Variants in ANKRD66 observed in about 807,000 individuals in gnomAD.
ANKRD66 encodes the protein ankyrin repeat domain 66.
In ANKRD66, 10 loss-of-function variants were observed where a neutral mutation model predicts 10.9. The observed-to-expected ratio is 0.91, with a 90% CI of 0.56 to 1.55. The LOEUF is 1.55. ANKRD66 is among the 40% of genes most tolerant of loss of function. The pLI, the probability that ANKRD66 is intolerant of heterozygous loss-of-function variation, is 0.00. For synonymous variants in ANKRD66, 85 were observed against 88.4 expected (o/e 0.96, Z 0.22); for missense variants, 252 against 242.9 (o/e 1.04, Z -0.25).
intron 3 of ANKRD66, 126 bp downstream of exon 3, chr6:46,752,237 T>A: frequency 7.2e-6 from 8 of 1,114,412 alleles, no homozygotes; most frequent in Non-Finnish European, 9.5e-6. Flanking sequence ...CTTCATTTCA[T>A]TTTTTTTCTT....
chr6:46,758,743 A>G lies in ANKRD66; in HGVS notation c.413A>G (p.Asp138Gly). 2.6e-6 allele frequency: 4 copies of G among 1,549,500 alleles called. No individual in the cohort carries two copies. Among genetic ancestry groups the G allele is most frequent in the Non-Finnish European group, 3.5e-6 (4 of 1,146,436 alleles). Reference sequence around the variant, plus strand: ...CCTAGGGCAGAGCCCGAGTGCCAGGACCACCGTTGCGCTGCCCAGCAGAAG... The same window carrying G: ...CCTAGGGCAGAGCCCGAGTGCCAGGGCCACCGTTGCGCTGCCCAGCAGAAG... Reference protein sequence around the residue: ...FLEKAEPECQDHRCAAQQKGL... With the variant: ...FLEKAEPECQGHRCAAQQKGL... The change falls in exon 5 of 5, where the codon GAC (aspartate) becomes GGC (glycine). Residue 138 changes from aspartate (D) to glycine (G), a missense_variant. By Grantham distance (94) the Asp-to-Gly change is moderately conservative. Coordinates refer to ENST00000565422, the MANE Select transcript of ANKRD66 (RefSeq NM_001162435.3).
chr6:46,751,416 T>A (rs1233228732), intron 2 of ANKRD66, among the ~76,000 whole-genome samples: 1 of 152,248 alleles, frequency 6.6e-6, no homozygotes, highest in East Asian at 1.9e-4. Context: ...TGTGTGATTG[T>A]GTGTCCATCT....
intron 2 of ANKRD66, 108 bp from the exon 3 acceptor site, chr6:46,751,829 C>A (rs1766275153): frequency 2.6e-6 from 3 of 1,175,334 alleles, no homozygotes; most frequent in Admixed American, 8.0e-5. Flanking sequence ...AACTGAGAGG[C>A]AAATGCATGC....
chr6:46,748,186 C>G (rs1490310810), intron 1 of ANKRD66, among the ~76,000 whole-genome samples: 3 of 152,186 alleles, frequency 2.0e-5, no homozygotes, highest in African/African-American at 7.2e-5. Context: ...TTATTGGAAT[C>G]AGGAAGTGTG....
intron 4 of ANKRD66, among the ~76,000 whole-genome samples, chr6:46,754,896 C>T (rs1766350592): frequency 1.3e-5 from 2 of 152,172 alleles, no homozygotes; most frequent in South Asian, 4.1e-4. Flanking sequence ...CCAATTTCAT[C>T]CATCATCCCC....
intron 3 of ANKRD66, among the ~76,000 whole-genome samples, chr6:46,752,894 C>T (rs1332423276): frequency 6.6e-6 from 1 of 152,156 alleles, no homozygotes; most frequent in Admixed American, 6.5e-5. Context: ...AAGCCTTTGG[C>T]AATAGAAAGC....
Position 46,758,758 on chromosome 6 carries a change from C to T in ANKRD66, c.428C>T (p.Ala143Val), listed in dbSNP as rs2150729212. The T allele has an allele frequency of 6.4e-7, 1 of 1,550,692 alleles. No individual in the cohort carries two copies. Among genetic ancestry groups the T allele is most frequent in the East Asian group, 2.4e-5 (1 of 40,906 alleles). ...EPECQDHRCA[A>V]QQKGLPLDER... ...GAGTGCCAGGACCACCGTTGCGCTG[C>T]CCAGCAGAAGGGGCTGCCTCTGGAT... Residue 143 changes from alanine to valine, a missense_variant, in exon 5 of 5, where the codon GCC becomes GTC. Physicochemically the swap from Ala to Val is moderately conservative, Grantham distance 64 (BLOSUM62 0). Coordinates refer to ENST00000565422, the MANE Select transcript of ANKRD66 (RefSeq NM_001162435.3).
intron 3 of ANKRD66, 84 bp downstream of exon 3, chr6:46,752,195 G>A (rs762607091): frequency 5.6e-5 from 72 of 1,290,884 alleles, no homozygotes; most frequent in Non-Finnish European, 7.0e-5. Flanking sequence ...GTGGGGGAGT[G>A]GAACAAACAT....
intron 4 of ANKRD66, among the ~76,000 whole-genome samples, chr6:46,754,868 C>T (rs1202877493): frequency 6.6e-6 from 1 of 152,192 alleles, no homozygotes; most frequent in Non-Finnish European, 1.5e-5. Context: ...TGAGTCCTGA[C>T]TCACAGATTC....
chr6:46,749,799 T>G, intron 1 of ANKRD66, 97 bp from the exon 2 acceptor site: 8 of 1,408,202 alleles, frequency 5.7e-6, no homozygotes, highest in Non-Finnish European at 7.5e-6. Context: ...AAAGCTCTTT[T>G]ACTTTCCGGT....
intron 1 of ANKRD66, 111 bp downstream of exon 1, chr6:46,747,101 G>A: frequency 1.9e-6 from 2 of 1,040,280 alleles, no homozygotes; most frequent in South Asian, 1.6e-5. Flanking sequence ...CTATCTTTAT[G>A]GTAGATGTGC....
At position 46,749,981 on chromosome 6, in the gene ANKRD66, T is replaced by A; in HGVS notation, c.-13+2T>A. The A allele has an allele frequency of 1.4e-6, 2 of 1,396,368 alleles. No homozygotes were observed. Among genetic ancestry groups the A allele is most frequent in the Non-Finnish European group, 2.0e-6 (2 of 1,005,654 alleles). The allele number at this position is 1,396,368 out of a possible 1,614,324, so 86.5% of individuals were successfully genotyped here. ...CCCCTGCCCAGAGTTTCAGATTCTG[T>A]AAGTCTGGGGCTGAGCACAATAATT... On this transcript the variant is annotated splice_donor_variant, in intron 2 of 4. Coordinates refer to ENST00000565422, the MANE Select transcript of ANKRD66 (RefSeq NM_001162435.3). LOFTEE classifies it low-confidence loss of function (5UTR_SPLICE).
intron 1 of ANKRD66, among the ~76,000 whole-genome samples, chr6:46,748,975 A>G (rs576083775): frequency 2.6e-5 from 4 of 152,342 alleles, no homozygotes; most frequent in Non-Finnish European, 2.9e-5. Context: ...TGATTTGCCT[A>G]TATCAGAGGC....
chr6:46,752,973 G>T (rs886539630), intron 3 of ANKRD66, among the ~76,000 whole-genome samples: 8 of 152,204 alleles, frequency 5.3e-5, no homozygotes, highest in African/African-American at 1.9e-4. Context: ...TGTGATTCTT[G>T]TGTGGAGAAT....
chr6:46,749,675 A>G (rs1022580371), intron 1 of ANKRD66, among the ~76,000 whole-genome samples: 6 of 149,914 alleles, frequency 4.0e-5, no homozygotes, highest in African/African-American at 1.2e-4. Flanking sequence ...CCTTTGCAGC[A>G]TGTGACTCTG....
intron 2 of ANKRD66, among the ~76,000 whole-genome samples, chr6:46,750,891 A>C (rs1766255642): frequency 6.6e-6 from 1 of 152,078 alleles, no homozygotes. Flanking sequence ...ATTAAAATCC[A>C]TTGGTCTACC....
At chr6:46,754,730 T>A (rs1011717544) in intron 4 of ANKRD66, among the ~76,000 whole-genome samples, 1 of 152,074 alleles carries the variant, frequency 6.6e-6, no homozygotes, top group East Asian at 1.9e-4. Context: ...CAAGTGAAAA[T>A]TTTGCCTATG....
At chr6:46,756,005 TC>T in intron 4 of ANKRD66, 1 of 403,920 alleles carries the variant, frequency 2.5e-6, no homozygotes, top group South Asian at 1.9e-5. Context: ...GAAACAGAGC[TC>T]CAGAACTTTT....
rs1463626547 is a variant in ANKRD66, at chr6:46,753,853, T to C, written c.295T>C (p.Leu99=). 5 of 1,551,696 alleles carry C rather than the reference T, an allele frequency of 3.2e-6. No homozygotes were observed. In the South Asian group the frequency reaches 4.8e-5, roughly 15 times the overall value. ...GAATATACTCAAAACTCTCCATGCA[T>C]TGCACGCTGCCATCGACGCCCCTGA... ...HLNILKTLHA[L]HAAIDAPDFF... Residue 99 remains leucine, a synonymous_variant, in exon 4 of 5, where the codon TTG becomes CTG. Coordinates refer to ENST00000565422, the MANE Select transcript of ANKRD66 (RefSeq NM_001162435.3).
Sources: allele counts gnomAD v4.1 joint callset (sites outside exome capture counted in the v4.1 genomes callset), GRCh38; gene constraint gnomAD v4.1.1; transcripts MANE v1.5; gene names NCBI Gene and HGNC (gene_info 2026-07-23, HGNC 2026-07-21).